The following LIN28A variants were observed in gnomAD, a reference collection of about 807,000 sequenced individuals.
LIN28A encodes lin-28 RNA binding posttranscriptional regulator A, also known as protein lin-28 homolog A.
In LIN28A, 11 loss-of-function variants were observed where a neutral mutation model predicts 21.1. The observed-to-expected ratio is 0.52, with a 90% CI of 0.33 to 0.86. The LOEUF (loss-of-function observed/expected upper bound fraction) is 0.86. Among genes scored for constraint, LIN28A ranks in the 40% least tolerant of loss-of-function variants. The pLI, the probability that LIN28A is intolerant of heterozygous loss-of-function variation, is 0.03. For synonymous variants in LIN28A, 111 were observed against 108.7 expected (o/e 1.02, Z -0.13); for missense variants, 219 against 279.8 (o/e 0.78, Z 1.55).
chr1:26,419,236 A>G (rs2075015047), intron 2 of LIN28A, among the ~76,000 whole-genome samples: 1 of 139,580 alleles, frequency 7.2e-6, no homozygotes, highest in African/African-American at 2.6e-5. Context: ...AATTCAAACT[A>G]TGTGTTTTAG....
intron 2 of LIN28A, among the ~76,000 whole-genome samples, chr1:26,424,299 C>T (rs1324035530): frequency 6.6e-6 from 1 of 152,056 alleles, no homozygotes; most frequent in African/African-American, 2.4e-5. Flanking sequence ...GGCTAGAGTA[C>T]AGTGGCATGA....
rs1289936691 is a variant in LIN28A at position 26,426,344 on chromosome 1, C to T, written c.516C>T (p.Ala172=). Reference sequence around the variant, plus strand: ...GCCAGAGCATCAGCCATATGGTAGCCTCATGTCCGCTGAAGGCCCAGCAGG... The same window carrying T: ...GCCAGAGCATCAGCCATATGGTAGCTTCATGTCCGCTGAAGGCCCAGCAGG... The part of the protein sequence containing the change: ...HFCQSISHMV[A]SCPLKAQQGP... Residue 172 remains alanine, a synonymous_variant, in exon 4 of 4, where the codon GCC becomes GCT. Coordinates refer to ENST00000326279, the MANE Select transcript of LIN28A (RefSeq NM_024674.6). The T allele has an allele frequency of 1.9e-6, 3 of 1,614,086 alleles. No homozygotes were observed. The highest frequency in any genetic ancestry group is 2.5e-6 in the Non-Finnish European group (3 of 1,180,034).
intron 2 of LIN28A, among the ~76,000 whole-genome samples, chr1:26,414,021 G>A (rs2074978674): frequency 1.3e-5 from 2 of 151,814 alleles, no homozygotes; most frequent in Non-Finnish European, 2.9e-5. Context: ...TAAAGACGGG[G>A]TTTCTGCACG....
chr1:26,420,118 G>A (rs923977135), intron 2 of LIN28A, among the ~76,000 whole-genome samples: 1 of 151,972 alleles, frequency 6.6e-6, no homozygotes, highest in African/African-American at 2.4e-5. Flanking sequence ...CCACCATGCT[G>A]AGCTAATTTT....
chr1:26,424,484 C>T (rs2075046316), intron 2 of LIN28A, among the ~76,000 whole-genome samples: 1 of 152,084 alleles, frequency 6.6e-6, no homozygotes, highest in Admixed American at 6.6e-5. Context: ...TCGTGATCCA[C>T]CTGCTTCAGC....
chr1:26,423,681 G>A (rs1055586058), intron 2 of LIN28A, among the ~76,000 whole-genome samples: 1 of 151,564 alleles, frequency 6.6e-6, no homozygotes, highest in African/African-American at 2.4e-5. Context: ...CAAAGTGCTG[G>A]GATTACAGGC....
chr1:26,420,713 T>G (rs2075024109), intron 2 of LIN28A, among the ~76,000 whole-genome samples: 1 of 152,000 alleles, frequency 6.6e-6, no homozygotes, highest in African/African-American at 2.4e-5. Flanking sequence ...GCCACCAGCA[T>G]AAAATACGAA....
At chr1:26,426,011 C>A (rs770633906) in intron 3 of LIN28A, among the ~76,000 whole-genome samples, 27 of 152,236 alleles carry the variant, frequency 1.8e-4, no homozygotes, top group Non-Finnish European at 3.4e-4. Context: ...TTTCTGGTAT[C>A]TTGGTATTTT....
chr1:26,414,431 G>T (rs901346606), intron 2 of LIN28A, among the ~76,000 whole-genome samples: 3 of 152,030 alleles, frequency 2.0e-5, no homozygotes, highest in African/African-American at 7.3e-5. Flanking sequence ...TCCAAAGTTG[G>T]GGTTATTAGG....
Position 26,411,600 on chromosome 1 carries a change from A to G in LIN28A, c.228+18A>G, listed in dbSNP as rs2074959919. ...TGCACCAGGTGAGACTGATTCCGGT[A>G]ACTTTGCCCAGGGAAGGGCGTCTAG... On this transcript the variant is annotated intron_variant, in intron 2 of 3. Transcript: ENST00000326279. The surrounding 1 kb of genome is among the most constrained non-coding windows in gnomAD (Gnocchi z 5.4). 1 of 1,606,032 alleles carries G rather than the reference A, an allele frequency of 6.2e-7. No individual in the cohort carries two copies. The highest frequency in any genetic ancestry group is 1.1e-5 in the South Asian group (1 of 89,940).
chr1:26,423,644 T>C (rs536368145), intron 2 of LIN28A, among the ~76,000 whole-genome samples: 1 of 151,466 alleles, frequency 6.6e-6, no homozygotes, highest in South Asian at 2.1e-4. Context: ...ACTCCTGACC[T>C]CAGGTGATAT....
chr1:26,416,853 G>A (rs2074996532), intron 2 of LIN28A, among the ~76,000 whole-genome samples: 1 of 151,802 alleles, frequency 6.6e-6, no homozygotes, highest in Non-Finnish European at 1.5e-5. Flanking sequence ...TCCTGACCTC[G>A]TGGTGATCCG....
chr1:26,422,120 C>T lies in LIN28A; in HGVS notation c.229-3183C>T, dbSNP rs1009622929. The stretch of plus-strand genomic sequence containing the variant: ...GCCTCCTGGGCTCAAGGGATCCTCC[C>T]ACCTCAGCCTCCCCAGTAGTTGGGA... On this transcript the variant is annotated intron_variant, in intron 2 of 3. Coordinates refer to ENST00000326279, the MANE Select transcript of LIN28A (RefSeq NM_024674.6). Among the ~76,000 whole-genome samples the T allele has an allele frequency of 2.0e-5, 3 of 151,952 alleles. No homozygotes were observed. The South Asian group carries it at 6.2e-4, about 32-fold the overall frequency.
Position 26,426,379 on chromosome 1 carries a change from C to G in LIN28A, c.551C>G (p.Ala184Gly), listed in dbSNP as rs201894014. ...CTGAAGGCCCAGCAGGGCCCTAGTG[C>G]ACAGGGAAAGCCAACCTACTTTCGA... ...CPLKAQQGPSAQGKPTYFREE... is the reference protein window; with the variant it reads ...CPLKAQQGPSGQGKPTYFREE... The change falls in exon 4 of 4, where the codon GCA (alanine) becomes GGA (glycine). Residue 184 changes from alanine (A) to glycine (G), a missense_variant. Ala to Gly is a moderately conservative substitution (Grantham distance 60). Around this residue, in one of 3 missense-constraint regions of LIN28A, gnomAD observed 45 missense variants for 37.7 expected, o/e 1.19. Transcript: ENST00000326279. 1.1e-5 allele frequency: 17 copies of G among 1,614,184 alleles called. No individual in the cohort carries two copies. Among genetic ancestry groups the G allele is most frequent in the Non-Finnish European group, 1.4e-5 (17 of 1,180,014 alleles).
chr1:26,411,721 A>T lies in LIN28A; in HGVS notation c.228+139A>T. The T allele has an allele frequency of 2.5e-6, 2 of 797,098 alleles. No homozygotes were observed. The highest frequency in any genetic ancestry group is 4.1e-6 in the Non-Finnish European group (2 of 493,610). The allele number at this position is 797,098 out of a possible 1,614,324, so 49.4% of individuals were successfully genotyped here. A position where few individuals can be genotyped will look rare whatever the true frequency, so the allele number is the denominator to read the frequency against. On this transcript the variant is annotated intron_variant, in intron 2 of 3. Coordinates refer to ENST00000326279, the MANE Select transcript of LIN28A (RefSeq NM_024674.6). This position sits in a 1 kb window ranked among gnomAD's most constrained non-coding sequence, Gnocchi z 5.4. ...TCCCTGTCTTTGCTTCGGCACCCCA[A>T]TTCTGAGTCCCTGTTAACTATCTCG...
At chr1:26,412,608 C>T (rs958253513) in intron 2 of LIN28A, among the ~76,000 whole-genome samples, 7 of 152,000 alleles carry the variant, frequency 4.6e-5, no homozygotes, top group Non-Finnish European at 1.5e-5. Flanking sequence ...ATTGCTAATC[C>T]CAGATCGTGT....
chr1:26,420,881 G>T (rs2075025016), intron 2 of LIN28A, among the ~76,000 whole-genome samples: 1 of 152,102 alleles, frequency 6.6e-6, no homozygotes, highest in African/African-American at 2.4e-5. Flanking sequence ...TCTGGGTAGG[G>T]TCTGAGATGC....
intron 2 of LIN28A, among the ~76,000 whole-genome samples, chr1:26,421,057 G>A (rs1267336605): frequency 1.3e-5 from 2 of 151,340 alleles, no homozygotes; most frequent in African/African-American, 2.4e-5. Flanking sequence ...CTGGCTGTTT[G>A]CTAACTGCTT....
rs1046878084 is a variant in LIN28A at position 26,411,177 on chromosome 1, C to CA, written c.32-205dup. ...GGGAAACGCGTTGTGGGAAGAGGAG[C>CA]AAAACTTTCGGGGCACTACTGTCCC... On this transcript the variant is annotated intron_variant, in intron 1 of 3. Coordinates refer to ENST00000326279, the MANE Select transcript of LIN28A (RefSeq NM_024674.6). This position sits in a 1 kb window ranked among gnomAD's most constrained non-coding sequence, Gnocchi z 5.4. 6.6e-6 allele frequency among the ~76,000 whole-genome samples: 1 copy of CA among 152,204 alleles called. No homozygotes were observed. Among genetic ancestry groups the CA allele is most frequent in the African/African-American group, 2.4e-5 (1 of 41,462 alleles).
Sources: allele counts gnomAD v4.1 joint callset (sites outside exome capture counted in the v4.1 genomes callset), GRCh38; gene constraint gnomAD v4.1.1; regional missense constraint gnomAD v4.1.1; non-coding constraint Gnocchi (gnomAD v3.1); transcripts MANE v1.5; gene names NCBI Gene and HGNC (gene_info 2026-07-23, HGNC 2026-07-21).